The following MEGF10 variants were observed in gnomAD, a reference collection of about 807,000 sequenced individuals.
The protein encoded by MEGF10 is multiple epidermal growth factor-like domains protein 10.
In MEGF10, 86 loss-of-function variants were observed where a neutral mutation model predicts 147.5. The ratio of observed to expected loss-of-function variants is 0.58; its 90% CI spans 0.49 to 0.70. The LOEUF (loss-of-function observed/expected upper bound fraction) is 0.70. MEGF10 is among the 30% of genes least tolerant of loss of function. MEGF10 has a pLI of 0.00. For synonymous variants in MEGF10, 478 were observed against 525.5 expected (o/e 0.91, Z 1.24); for missense variants, 1,329 against 1,487.3 (o/e 0.89, Z 1.75).
intron 9 of MEGF10, among the ~76,000 whole-genome samples, chr5:127,414,945 G>C (rs914249504): frequency 6.6e-6 from 1 of 152,156 alleles, no homozygotes; most frequent in Non-Finnish European, 1.5e-5. Flanking sequence ...TGGGTGGACA[G>C]GGAAGGTTTC....
chr5:127,417,715 G>T lies in MEGF10; in HGVS notation c.1208G>T (p.Gly403Val). The change falls in exon 10 of 25, where the codon GGA becomes GTA. Residue 403 changes from glycine (G) to valine (V), a missense_variant. Transcript: ENST00000503335. ...TACTGTAATGAGACATGTTCTCCTG[G>T]ATTCTACGGGGAAGCTTGCCAGCAG... ...GLYCNETCSP[G>V]FYGEACQQIC... The T allele has an allele frequency of 6.2e-7, 1 of 1,614,112 alleles. No homozygotes were observed. The highest frequency in any genetic ancestry group is 8.5e-7 in the Non-Finnish European group (1 of 1,180,030).
intron 5 of MEGF10, among the ~76,000 whole-genome samples, chr5:127,384,487 C>G (rs532210429): frequency 6.6e-6 from 1 of 152,088 alleles, no homozygotes; most frequent in African/African-American, 2.4e-5. Flanking sequence ...TTTCCTGCAC[C>G]GTGAATAGGG....
chr5:127,373,638 T>G (rs866250126), intron 5 of MEGF10, among the ~76,000 whole-genome samples: 2 of 152,164 alleles, frequency 1.3e-5, no homozygotes, highest in African/African-American at 4.8e-5. Flanking sequence ...TAGGTGCTGG[T>G]GTGGTCATTG....
chr5:127,421,326 T>C (rs1038489742), intron 12 of MEGF10, among the ~76,000 whole-genome samples: 13 of 152,320 alleles, frequency 8.5e-5, no homozygotes, highest in African/African-American at 2.9e-4. Flanking sequence ...GTCTACAAAA[T>C]GATTGTTTTC....
intron 13 of MEGF10, among the ~76,000 whole-genome samples, chr5:127,431,393 T>C (rs972379476): frequency 6.6e-6 from 1 of 152,172 alleles, no homozygotes; most frequent in Non-Finnish European, 1.5e-5. Flanking sequence ...TTAACTGAAT[T>C]TATTAAGTGC....
At chr5:127,375,073 C>G (rs191231914) in intron 5 of MEGF10, among the ~76,000 whole-genome samples, 40 of 152,282 alleles carry the variant, frequency 2.6e-4, no homozygotes, top group Middle Eastern at 6.8e-3. Flanking sequence ...GGTTCCAGAC[C>G]TAGGTGTTCC....
chr5:127,259,665 G>A, the MEGF10 span, among the ~76,000 whole-genome samples: 1 of 152,258 alleles, frequency 6.6e-6, no homozygotes, highest in East Asian at 1.9e-4. Flanking sequence ...AAATTGCTCA[G>A]CTTTTAGGGG....
rs889567585 is a variant in MEGF10 at position 127,403,639 on chromosome 5, C to T, written c.917+957C>T. On this transcript the variant is annotated intron_variant, in intron 8 of 24. Coordinates refer to ENST00000503335, the MANE Select transcript of MEGF10 (RefSeq NM_001256545.2). ...TAACCATTCTTCTACTCTCTGTGTC[C>T]ATGAGTTCAATTGTTTTGATTTTTA... 2.6e-5 allele frequency among the ~76,000 whole-genome samples: 4 copies of T among 152,116 alleles called. No homozygotes were observed. In the East Asian group the frequency reaches 7.7e-4, roughly 29 times the overall value.
At chr5:127,363,160 A>G (rs1242747289) in intron 4 of MEGF10, among the ~76,000 whole-genome samples, 1 of 152,190 alleles carries the variant, frequency 6.6e-6, no homozygotes, top group Non-Finnish European at 1.5e-5. Flanking sequence ...TCCTCCTTAT[A>G]TAGATGGGTC....
chr5:127,248,230 G>A, the MEGF10 span, among the ~76,000 whole-genome samples: 1 of 152,060 alleles, frequency 6.6e-6, no homozygotes, highest in Non-Finnish European at 1.5e-5. Context: ...TGAGCCAGTT[G>A]TGTAGTTGCT....
At chr5:127,363,344 G>A (rs980381828) in intron 4 of MEGF10, among the ~76,000 whole-genome samples, 1 of 152,192 alleles carries the variant, frequency 6.6e-6, no homozygotes, top group Non-Finnish European at 1.5e-5. Flanking sequence ...AAGTCTGGAA[G>A]TGGGTGGTTT....
chr5:127,371,352 G>A (rs1762844225), intron 5 of MEGF10, among the ~76,000 whole-genome samples: 2 of 151,918 alleles, frequency 1.3e-5, no homozygotes, highest in South Asian at 4.2e-4. Flanking sequence ...TTGTTCACAC[G>A]CCATTGAGGC....
the MEGF10 span, among the ~76,000 whole-genome samples, chr5:127,240,778 A>T: frequency 6.6e-6 from 1 of 152,234 alleles, no homozygotes; most frequent in African/African-American, 2.4e-5. Flanking sequence ...TCACAGGAGG[A>T]TGTTGTCAAA....
At chr5:127,276,797 A>G in the MEGF10 span, among the ~76,000 whole-genome samples, 1 of 152,180 alleles carries the variant, frequency 6.6e-6, no homozygotes, top group African/African-American at 2.4e-5. Flanking sequence ...GAATAAGTAA[A>G]TTATATAGGA....
intron 13 of MEGF10, among the ~76,000 whole-genome samples, chr5:127,431,255 A>G (rs1765379606): frequency 6.6e-6 from 1 of 152,246 alleles, no homozygotes; most frequent in African/African-American, 2.4e-5. Context: ...AGATTTGCCT[A>G]TCTGGCCTGT....
At chr5:127,278,519 G>C in the MEGF10 span, among the ~76,000 whole-genome samples, 1 of 152,162 alleles carries the variant, frequency 6.6e-6, no homozygotes, top group African/African-American at 2.4e-5. Flanking sequence ...AAATATTTGT[G>C]AATGCTGATG....
chr5:127,232,892 G>A, the MEGF10 span, among the ~76,000 whole-genome samples: 1 of 152,098 alleles, frequency 6.6e-6, no homozygotes, highest in Non-Finnish European at 1.5e-5. Context: ...AGGTTGAGGA[G>A]ACTGTGCTGT....
chr5:127,317,920 G>C (rs917522158), intron 1 of MEGF10, among the ~76,000 whole-genome samples: 1 of 152,104 alleles, frequency 6.6e-6, no homozygotes, highest in Non-Finnish European at 1.5e-5. Flanking sequence ...AAGTGAGGGG[G>C]GAGTGTGATG....
chr5:127,289,835 T>C (rs1759158453), upstream of MEGF10, among the ~76,000 whole-genome samples: 1 of 152,154 alleles, frequency 6.6e-6, no homozygotes, highest in African/African-American at 2.4e-5. Context: ...GATGGTTACC[T>C]GGAGTGGTTA....
Sources: allele counts gnomAD v4.1 joint callset (sites outside exome capture counted in the v4.1 genomes callset), GRCh38; gene constraint gnomAD v4.1.1; transcripts MANE v1.5; gene names NCBI Gene and HGNC (gene_info 2026-07-23, HGNC 2026-07-21).